Variants in ASIC2 observed in about 807,000 individuals in gnomAD.
The protein encoded by ASIC2 is acid-sensing ion channel 2.
In ASIC2, 25 loss-of-function variants were observed where a neutral mutation model predicts 57.3. The ratio of observed to expected loss-of-function variants is 0.44; its 90% CI spans 0.32 to 0.61. The LOEUF is 0.61. Among genes scored for constraint, ASIC2 ranks in the 20% least tolerant of loss-of-function variants. The pLI is 0.06. For missense variants in ASIC2, 641 were observed against 738.1 expected (o/e 0.87, Z 1.52); for synonymous variants, 319 against 307.5 (o/e 1.04, Z -0.39).
intron 1 of ASIC2, among the ~76,000 whole-genome samples, chr17:33,562,290 G>A (rs1916097649): frequency 6.6e-6 from 1 of 151,834 alleles, no homozygotes; most frequent in Non-Finnish European, 1.5e-5. Flanking sequence ...AAGCTTCTTG[G>A]TTCCATCTGA....
At position 33,949,001 on chromosome 17, in the gene ASIC2, G is replaced by A. The variant is rs151266271; in HGVS notation, c.555+206977C>T. 3.6e-3 allele frequency among the ~76,000 whole-genome samples: 544 copies of A among 152,306 alleles called. 1 individual carries two copies. The highest frequency in any genetic ancestry group is 0.012 in the African/African-American group (511 of 41,564). ...CCACAGATGATTTGTAAAGAAATGA[G>A]TGGGACTGTGTTCTGGCATGTCTTT... On this transcript the variant is annotated intron_variant, in intron 1 of 9. Coordinates refer to the ASIC2 transcript ENST00000359872.
In ASIC2 at chr17:33,034,751, C is replaced by T. The variant is rs543563510; in HGVS notation, c.988-6359G>A. Among the ~76,000 whole-genome samples, 7 of 152,246 alleles carry T rather than the reference C, an allele frequency of 4.6e-5. No homozygotes were observed. The South Asian group carries it at 1.2e-3, about 27-fold the overall frequency. On this transcript the variant is annotated intron_variant, in intron 3 of 9. Coordinates refer to ENST00000225823, the MANE Select transcript of ASIC2 (RefSeq NM_183377.2). ...TTTTCTCCCTCTGGCTGCCTTTGTG[C>T]TTTTCTCTCGGTCTTTGCTTCTCAG...
At chr17:33,411,040 G>T (rs1429959166) in intron 1 of ASIC2, among the ~76,000 whole-genome samples, 2 of 152,238 alleles carry the variant, frequency 1.3e-5, no homozygotes, top group Non-Finnish European at 2.9e-5. Context: ...GAATGCAAAA[G>T]AAAGTGAAAG....
At chr17:33,248,215 G>A (rs1479280213) in intron 1 of ASIC2, among the ~76,000 whole-genome samples, 1 of 152,158 alleles carries the variant, frequency 6.6e-6, no homozygotes, top group Non-Finnish European at 1.5e-5. Flanking sequence ...CAGGCAGAGG[G>A]ACCAGCAAAT....
At chr17:33,656,936 T>C (rs913501534) in intron 1 of ASIC2, among the ~76,000 whole-genome samples, 1 of 152,170 alleles carries the variant, frequency 6.6e-6, no homozygotes, top group Admixed American at 6.5e-5. Context: ...GGTAAGCCAC[T>C]GAAAAGTGTC....
chr17:33,624,251 G>A (rs369962244), intron 1 of ASIC2: 4 of 152,244 alleles, frequency 2.6e-5, no homozygotes, highest in African/African-American at 9.6e-5. Flanking sequence ...ACTTAAGTAA[G>A]TCCTAGCTTG....
Position 33,292,168 on chromosome 17 carries a change from G to T in ASIC2, c.-53C>A. 1 of 1,019,842 alleles carries T rather than the reference G, an allele frequency of 9.8e-7. No individual in the cohort carries two copies. The highest frequency in any genetic ancestry group is 4.6e-5 in the South Asian group (1 of 21,898). 63.2% of individuals were successfully genotyped at this position (1,019,842 alleles called of 1,614,324 possible). On this transcript the variant is annotated 5_prime_UTR_variant, in exon 1 of 10. Transcript: ENST00000225823. ...GCGGCGGCCCCGGCCGGGCGGAGCC[G>T]CCATGGGAGTCCGCAGCAGCAGTGG...
intron 1 of ASIC2, among the ~76,000 whole-genome samples, chr17:33,819,443 G>A (rs1371235281): frequency 1.3e-5 from 2 of 152,210 alleles, no homozygotes; most frequent in Admixed American, 6.5e-5. Flanking sequence ...GACAAAGGAA[G>A]GGAGATACAT....
chr17:33,514,549 A>G (rs997294045), intron 1 of ASIC2, among the ~76,000 whole-genome samples: 1 of 152,238 alleles, frequency 6.6e-6, no homozygotes, highest in Non-Finnish European at 1.5e-5. Context: ...GGACTCCTAC[A>G]TTCCGAGCAT....
intron 1 of ASIC2, among the ~76,000 whole-genome samples, chr17:33,517,629 C>G (rs984136108): frequency 3.0e-5 from 4 of 134,976 alleles, no homozygotes; most frequent in Non-Finnish European, 6.1e-5. Flanking sequence ...AGAGAGCACT[C>G]AAGCCAGAGG....
In ASIC2 at chr17:33,291,462, CAT is replaced by C; in HGVS notation, c.652_653del (p.Met218AlafsTer30). 6.2e-7 allele frequency: 1 copy of C among 1,612,004 alleles called. No individual in the cohort carries two copies. The highest frequency in any genetic ancestry group is 8.5e-7 in the Non-Finnish European group (1 of 1,179,494). On this transcript the variant is annotated frameshift_variant, in exon 1 of 10. Coordinates refer to ENST00000225823, the MANE Select transcript of ASIC2 (RefSeq NM_183377.2). LOFTEE classifies it high-confidence loss of function. ...CGCCGCGGTACTTGCAGGAGAGCAG[CAT>C]GTCCTCCAGCTGGTGGCCCAGGCGG... is the stretch of plus-strand genomic sequence containing the variant. ...MDRLGHQLEDMLLSCKYRGEL... is the reference protein window; with the variant it reads ...MDRLGHQLEDXLLSCKYRGEL...
rs866830662 is a variant in ASIC2, at chr17:33,416,690, G to A, written c.556-304623C>T. Reference sequence around the variant, plus strand: ...GGGCACCCCTCATTCATCTGCACATGCTGAGTTTATTTTGCCATTTGTCAA... The same window carrying A: ...GGGCACCCCTCATTCATCTGCACATACTGAGTTTATTTTGCCATTTGTCAA... On this transcript the variant is annotated intron_variant, in intron 1 of 9. Coordinates refer to the ASIC2 transcript ENST00000359872. Among the ~76,000 whole-genome samples, 3 of 152,238 alleles carry A rather than the reference G, an allele frequency of 2.0e-5. No homozygotes were observed. The South Asian group carries it at 6.2e-4, about 31-fold the overall frequency.
intron 1 of ASIC2, among the ~76,000 whole-genome samples, chr17:33,654,964 A>G (rs1268369283): frequency 2.6e-5 from 4 of 152,196 alleles, no homozygotes; most frequent in East Asian, 1.9e-4. Context: ...ACCCATCTCT[A>G]TAACAAATAA....
chr17:33,632,360 C>T (rs761455800), intron 1 of ASIC2, among the ~76,000 whole-genome samples: 6 of 152,066 alleles, frequency 3.9e-5, no homozygotes, highest in Non-Finnish European at 7.4e-5. Context: ...TAAAGTAACA[C>T]ACAATTCTCT....
rs116392529 is a variant in ASIC2, at chr17:33,851,996, C to T, written c.555+303982G>A. The stretch of plus-strand genomic sequence containing the variant: ...CTCAGAAGAAAGGCAAACAAGGGAT[C>T]GGATGAAAGGGACCATTCCGTTCAG... On this transcript the variant is annotated intron_variant, in intron 1 of 9. Coordinates refer to the ASIC2 transcript ENST00000359872. Among the ~76,000 whole-genome samples the T allele has an allele frequency of 5.8e-3, 889 of 152,304 alleles. 7 individuals are homozygous for T. The highest frequency in any genetic ancestry group is 0.02 in the African/African-American group (848 of 41,574).
chr17:33,729,188 G>A (rs1909658022), intron 1 of ASIC2, among the ~76,000 whole-genome samples: 1 of 152,172 alleles, frequency 6.6e-6, no homozygotes, highest in Admixed American at 6.5e-5. Flanking sequence ...AGGTCTCTCA[G>A]GAAGCTTGCA....
intron 1 of ASIC2, among the ~76,000 whole-genome samples, chr17:34,015,212 C>A (rs1300835650): frequency 3.3e-5 from 5 of 151,818 alleles, no homozygotes; most frequent in Admixed American, 2.6e-4. Context: ...CCTAGCCTAT[C>A]CCCGCTCTTC....
Position 33,643,440 on chromosome 17 carries a change from TA to T in ASIC2, c.555+512537del, listed in dbSNP as rs796113052. 3.3e-5 allele frequency among the ~76,000 whole-genome samples: 5 copies of T among 152,340 alleles called. 1 individual carries two copies. The highest frequency in any genetic ancestry group is 1.2e-4 in the African/African-American group (5 of 41,582). On this transcript the variant is annotated intron_variant, in intron 1 of 9. Transcript: ENST00000359872. ...CATTTAGTCAACTTGCACCACCCTT[TA>T]GAGGGTCTTCAATTGTTATTTTCAA...
At chr17:33,825,872 G>T (rs189572595) in intron 1 of ASIC2, among the ~76,000 whole-genome samples, 21 of 152,004 alleles carry the variant, frequency 1.4e-4, no homozygotes, top group Non-Finnish European at 2.6e-4. Context: ...AGATATATAA[G>T]ATAAATTTTA....
Sources: gnomAD v4.1 joint callset for allele counts (sites outside exome capture counted in the v4.1 genomes callset) on GRCh38, gnomAD v4.1.1 for gene constraint, MANE v1.5 for transcripts, NCBI Gene and HGNC (gene_info 2026-07-23, HGNC 2026-07-21) for gene names.